The following TANK variants were observed in gnomAD, a reference collection of about 807,000 sequenced individuals.
TANK encodes TRAF family member associated NFKB activator.
In TANK, 15 loss-of-function variants were observed where a neutral mutation model predicts 43.6. The ratio of observed to expected loss-of-function variants is 0.34; its 90% CI spans 0.23 to 0.53. The LOEUF (loss-of-function observed/expected upper bound fraction) is 0.53, where lower values mean the gene tolerates loss of function less well. TANK is among the 20% of genes least tolerant of loss of function. TANK has a pLI of 0.94. For synonymous variants in TANK, 162 were observed against 178.2 expected (o/e 0.91, Z 0.73); for missense variants, 417 against 498.6 (o/e 0.84, Z 1.56).
chr2:161,161,679 G>T, intron 1 of TANK: 1 of 462,732 alleles, frequency 2.2e-6, no homozygotes, highest in South Asian at 2.9e-5. Flanking sequence ...CTTGCCATAT[G>T]TAGCTCTATT....
At chr2:161,195,263 C>A (rs1686094987) in intron 2 of TANK, among the ~76,000 whole-genome samples, 1 of 152,136 alleles carries the variant, frequency 6.6e-6, no homozygotes, top group Non-Finnish European at 1.5e-5. Context: ...TTGCTTCCTG[C>A]TTCATGGAAT....
At chr2:161,220,712 G>T (rs1158846383) in intron 4 of TANK, among the ~76,000 whole-genome samples, 1 of 151,998 alleles carries the variant, frequency 6.6e-6, no homozygotes, top group East Asian at 1.9e-4. Context: ...TTTCTTTTCT[G>T]TATCTTTCCA....
chr2:161,160,436 A>C lies in TANK; in HGVS notation c.-100A>C. ...AACTTCCGGTTGGAGTCACTCGGCC[A>C]GGCGCCGGCGACCTGAGGGGAGAGG... On this transcript the variant is annotated 5_prime_UTR_variant, in exon 1 of 8. Coordinates refer to ENST00000392749, the MANE Select transcript of TANK (RefSeq NM_001199135.3). 1 of 1,240,306 alleles carries C rather than the reference A, an allele frequency of 8.1e-7. No individual in the cohort carries two copies. The highest frequency in any genetic ancestry group is 1.0e-6 in the Non-Finnish European group (1 of 992,012). 76.8% of individuals were successfully genotyped at this position (1,240,306 alleles called of 1,614,324 possible). A position where few individuals can be genotyped will look rare whatever the true frequency, so the allele number is the denominator to read the frequency against.
chr2:161,161,370 A>G, intron 1 of TANK: 1 of 1,550,762 alleles, frequency 6.4e-7, no homozygotes, highest in Non-Finnish European at 8.7e-7. Flanking sequence ...AAAGAAAATG[A>G]CCTGCCTTCT....
chr2:161,178,682 A>G (rs538118724), intron 1 of TANK, among the ~76,000 whole-genome samples: 1 of 152,290 alleles, frequency 6.6e-6, no homozygotes, highest in Non-Finnish European at 1.5e-5. Flanking sequence ...TCAATTGAAA[A>G]TGTGAAAATT....
At chr2:161,235,266 C>A in intron 7 of TANK, 76 bp from the exon 8 acceptor site, 1 of 1,329,824 alleles carries the variant, frequency 7.5e-7, no homozygotes, top group Non-Finnish European at 1.0e-6. Context: ...GTAACTCATT[C>A]AGAAATTCAA....
Position 161,204,835 on chromosome 2 carries a change from G to A in TANK, c.327+42G>A. 4 of 1,588,926 alleles carry A rather than the reference G, an allele frequency of 2.5e-6. No individual in the cohort carries two copies. The African/African-American group carries it at 4.1e-5, about 16-fold the overall frequency. On this transcript the variant is annotated intron_variant, in intron 4 of 7. Transcript: ENST00000392749. The stretch of plus-strand genomic sequence containing the variant: ...CAGAAAGCAGCATTTAAATGCTGAT[G>A]CGTGACATAGCTTCCTCATTTTATT...
chr2:161,192,119 T>A (rs1451936878), intron 2 of TANK, among the ~76,000 whole-genome samples: 2 of 152,088 alleles, frequency 1.3e-5, no homozygotes, highest in Non-Finnish European at 2.9e-5. Flanking sequence ...AACCTTCTCA[T>A]TTTTTCCTGT....
intron 4 of TANK, chr2:161,219,639 T>C (rs1687256969): frequency 5.3e-6 from 2 of 378,270 alleles, no homozygotes; most frequent in South Asian, 4.3e-5. Context: ...TTATCAAATA[T>C]CTTTTTGTAA....
chr2:161,218,870 T>C (rs1687228936), intron 4 of TANK, among the ~76,000 whole-genome samples: 1 of 152,214 alleles, frequency 6.6e-6, no homozygotes, highest in African/African-American at 2.4e-5. Context: ...TTCAAACTCC[T>C]CCCTCTCAGC....
intron 2 of TANK, among the ~76,000 whole-genome samples, chr2:161,183,636 T>A (rs570110579): frequency 1.3e-5 from 2 of 152,194 alleles, no homozygotes; most frequent in African/African-American, 4.8e-5. Flanking sequence ...AAAGGAAAAT[T>A]TTTTTACATT....
At position 161,222,871 on chromosome 2, in the gene TANK, C is replaced by A. The variant is rs75863540; in HGVS notation, c.328-1044C>A. The A allele has an allele frequency of 4.5e-4, 69 of 151,792 alleles. 1 individual carries two copies. The East Asian group carries it at 0.012, about 26-fold the overall frequency. The allele number at this position is 151,792 out of a possible 1,614,324, so 9.4% of individuals were successfully genotyped here. On this transcript the variant is annotated intron_variant, in intron 4 of 7. Transcript: ENST00000392749. ...ATTTAAAGTATTTATTTAGAAAAAA[C>A]TGGGAAATAAATTGGAGAAGATATT... is the stretch of plus-strand genomic sequence containing the variant.
chr2:161,152,082 G>A (rs928613788), intron 1 of TANK, among the ~76,000 whole-genome samples: 2 of 152,040 alleles, frequency 1.3e-5, no homozygotes, highest in African/African-American at 2.4e-5. Flanking sequence ...CACCCCTTAC[G>A]TGTTGTTGTC....
chr2:161,231,614 C>A, intron 7 of TANK, 63 bp downstream of exon 7: 1 of 1,396,670 alleles, frequency 7.2e-7, no homozygotes, highest in Non-Finnish European at 1.0e-6. Flanking sequence ...CATACATGCA[C>A]AGATATGCAT....
At chr2:161,175,122 T>C (rs1161797595) in intron 1 of TANK, among the ~76,000 whole-genome samples, 1 of 152,186 alleles carries the variant, frequency 6.6e-6, no homozygotes, top group Non-Finnish European at 1.5e-5. Flanking sequence ...ACTATATGCT[T>C]CAAGTTACAG....
At chr2:161,230,524 G>T (rs914296220) in intron 6 of TANK, among the ~76,000 whole-genome samples, 1 of 152,152 alleles carries the variant, frequency 6.6e-6, no homozygotes, top group African/African-American at 2.4e-5. Flanking sequence ...ACTGATTAGT[G>T]ATATACTTAG....
intron 1 of TANK, among the ~76,000 whole-genome samples, chr2:161,137,402 C>T (rs12465423): frequency 0.12 from 18,677 of 151,894 alleles, 1,846 homozygotes; most frequent in African/African-American, 0.26. Context: ...CTAGCCAAGA[C>T]CAAGGAAAAT....
intron 1 of TANK, among the ~76,000 whole-genome samples, chr2:161,167,466 T>C (rs1024489992): frequency 3.3e-5 from 5 of 152,154 alleles, no homozygotes; most frequent in African/African-American, 4.8e-5. Context: ...ACTTAAGATA[T>C]TGTATCTATT....
At chr2:161,180,199 A>G (rs1050088195) in intron 2 of TANK, 2 of 710,130 alleles carry the variant, frequency 2.8e-6, no homozygotes, top group Non-Finnish European at 3.5e-6. Context: ...GTATTAATTT[A>G]TAATACTCTT....
Sources: gnomAD v4.1 joint callset for allele counts (sites outside exome capture counted in the v4.1 genomes callset) on GRCh38, gnomAD v4.1.1 for gene constraint, MANE v1.5 for transcripts, NCBI Gene and HGNC (gene_info 2026-07-23, HGNC 2026-07-21) for gene names.